The following PPM1J variants were observed in gnomAD, a reference collection of about 807,000 sequenced individuals.
The protein encoded by PPM1J is protein phosphatase 1J.
PPM1J carries 43 observed loss-of-function variants against 53.3 expected under a neutral mutation model. The ratio of observed to expected loss-of-function variants is 0.81; its 90% CI spans 0.63 to 1.04. PPM1J has a LOEUF of 1.04. Among genes scored for constraint, PPM1J ranks in the 50% least tolerant of loss-of-function variants. The pLI, the probability that PPM1J is intolerant of heterozygous loss-of-function variation, is 0.00. For missense variants in PPM1J, 635 were observed against 685.9 expected (o/e 0.93, Z 0.83); for synonymous variants, 267 against 286.4 (o/e 0.93, Z 0.68).
rs1473192000 is a variant in PPM1J, at chr1:112,715,111, C to G, written c.191G>C (p.Arg64Pro). Residue 64 changes from arginine to proline, a missense_variant, in exon 1 of 10, where the codon CGA (arginine) becomes CCA (proline). Transcript: ENST00000309276. The surrounding 1 kb of genome is among the most constrained non-coding windows in gnomAD (Gnocchi z 4.4). ...AAAGGTCGGTCTGGAGAAGCTCGCT[C>G]GAGCCTCAACAGCCTTCGCGGGCGT... ...SATPAKAVEARASFSRPTFLQ... is the reference protein window; with the variant it reads ...SATPAKAVEAPASFSRPTFLQ... 20 of 1,557,918 alleles carry G rather than the reference C, an allele frequency of 1.3e-5. No homozygotes were observed. Among genetic ancestry groups the G allele is most frequent in the Non-Finnish European group, 1.7e-5 (20 of 1,162,130 alleles).
chr1:112,711,436 C>G, intron 5 of PPM1J, 52 bp from the exon 6 acceptor site: 1 of 1,018,590 alleles, frequency 9.8e-7, no homozygotes, highest in Non-Finnish European at 1.5e-6. Flanking sequence ...ATGCTCACAG[C>G]ACACGGTGGC....
chr1:112,711,396 G>T lies in PPM1J; in HGVS notation c.928-12C>A, dbSNP rs1445687298. 1.9e-6 allele frequency: 3 copies of T among 1,555,744 alleles called. No homozygotes were observed. The highest frequency in any genetic ancestry group is 1.8e-5 in the Admixed American group (1 of 56,066). ...GGTTTCAGGAAGCCCTGGAGTTGGG[G>T]ATGATCAGAACAGAGAGCCAGGGGG... On this transcript the variant is annotated splice_polypyrimidine_tract_variant and intron_variant, in intron 5 of 9. Coordinates refer to ENST00000309276, the MANE Select transcript of PPM1J (RefSeq NM_005167.7).
rs2101477934 is a variant in PPM1J at position 112,710,186 on chromosome 1, C to A, written c.1495G>T (p.Gly499Ter). ...DDISVFVIPL[G>*]GPGSYS ...CCTCAGGAGTAACTGCCTGGCCCTC[C>A]CAGGGGGATGACGAAGACAGAGATG... The change falls in exon 10 of 10, where the codon GGA (glycine) becomes TGA (stop). Residue 499 changes from glycine (G) to a stop codon, truncating the protein, a stop_gained. Coordinates refer to ENST00000309276, the MANE Select transcript of PPM1J (RefSeq NM_005167.7). LOFTEE classifies it high-confidence loss of function. 2 of 1,574,024 alleles carry A rather than the reference C, an allele frequency of 1.3e-6. No individual in the cohort carries two copies. Among genetic ancestry groups the A allele is most frequent in the Non-Finnish European group, 1.7e-6 (2 of 1,164,646 alleles).
Position 112,711,263 on chromosome 1 carries a change from TACCAGCCGGTC to T in PPM1J, c.1038_1046+2del, listed in dbSNP as rs540188332. 555 of 1,605,464 alleles carry T rather than the reference TACCAGCCGGTC, an allele frequency of 3.5e-4. No homozygotes were observed. The highest frequency in any genetic ancestry group is 4.6e-4 in the Non-Finnish European group (535 of 1,173,602). The stretch of plus-strand genomic sequence containing the variant: ...CGGGCCCCAGCTCTGAGGGAAGTGT[TACCAGCCGGTC>T]ATGTTCTGGTCCCGGTACAACATCC... On this transcript the variant is annotated splice_donor_variant and coding_sequence_variant, in exon 6 of 10. Transcript: ENST00000309276. LOFTEE classifies it high-confidence loss of function.
intron 3 of PPM1J, 66 bp from the exon 4 acceptor site, chr1:112,712,523 CT>C: frequency 7.2e-7 from 1 of 1,394,924 alleles, no homozygotes; most frequent in Admixed American, 1.9e-5. Flanking sequence ...CACCCTCCCC[CT>C]ACCCCCTCCA....
In PPM1J at chr1:112,714,698, G is replaced by C. The variant is rs1006703439; in HGVS notation, c.326+278C>G. 4.9e-6 allele frequency: 6 copies of C among 1,220,594 alleles called. No individual in the cohort carries two copies. In the Admixed American group the frequency reaches 1.7e-4, roughly 35 times the overall value. 75.6% of individuals were successfully genotyped at this position (1,220,594 alleles called of 1,614,324 possible). The stretch of plus-strand genomic sequence containing the variant: ...CAACTCATCCTTCGCCGGGCTCTCC[G>C]CCCTCCGGGCTCTGGGGCAGAACAG... On this transcript the variant is annotated intron_variant, in intron 1 of 9. Transcript: ENST00000309276.
At position 112,715,272 on chromosome 1, in the gene PPM1J, C is replaced by T. The variant is rs1306717553; in HGVS notation, c.30G>A (p.Ala10=). 3 of 1,326,428 alleles carry T rather than the reference C, an allele frequency of 2.3e-6. No individual in the cohort carries two copies. Among genetic ancestry groups the T allele is most frequent in the Non-Finnish European group, 1.9e-6 (2 of 1,042,928 alleles). The allele number at this position is 1,326,428 out of a possible 1,614,324, so 82.2% of individuals were successfully genotyped here. A position where few individuals can be genotyped will look rare whatever the true frequency, so the allele number is the denominator to read the frequency against. MLNRVRSAV[A]HLVSSGGAPP... Reference sequence around the variant, plus strand: ...GAGCGCCCCCGGAGCTCACCAGGTGCGCCACGGCCGAGCGCACCCGGTTTA... The same window carrying T: ...GAGCGCCCCCGGAGCTCACCAGGTGTGCCACGGCCGAGCGCACCCGGTTTA... Residue 10 remains alanine (A), a synonymous_variant, in exon 1 of 10, where the codon GCG becomes GCA. Coordinates refer to ENST00000309276, the MANE Select transcript of PPM1J (RefSeq NM_005167.7). The surrounding 1 kb of genome is among the most constrained non-coding windows in gnomAD (Gnocchi z 4.4).
Position 112,711,851 on chromosome 1 carries a change from C to T in PPM1J, c.927+120G>A, listed in dbSNP as rs1570841510. The T allele has an allele frequency of 2.6e-5, 18 of 699,484 alleles. No homozygotes were observed. In the East Asian group the frequency reaches 4.9e-4, roughly 19 times the overall value. 43.3% of individuals were successfully genotyped at this position (699,484 alleles called of 1,614,324 possible). On this transcript the variant is annotated intron_variant, in intron 5 of 9. Coordinates refer to ENST00000309276, the MANE Select transcript of PPM1J (RefSeq NM_005167.7). ...CGCACTCCATAGTCCACACAGCGGC[C>T]TTCCCAGTAAAGTGCTTTCTGTGCC...
At chr1:112,713,996 C>T in intron 1 of PPM1J, 1 of 1,092,614 alleles carries the variant, frequency 9.2e-7, no homozygotes, top group Non-Finnish European at 1.1e-6. Flanking sequence ...ATCCCACCCT[C>T]AACCACTATC....
chr1:112,714,921 C>A (rs1308041927), intron 1 of PPM1J, 55 bp downstream of exon 1: 3 of 1,336,086 alleles, frequency 2.2e-6, no homozygotes, highest in Non-Finnish European at 2.9e-6. Flanking sequence ...GGATGCGGAG[C>A]TGGGGAGAGG....
intron 3 of PPM1J, 54 bp from the exon 4 acceptor site, chr1:112,712,511 G>T: frequency 6.7e-7 from 1 of 1,484,492 alleles, no homozygotes; most frequent in Non-Finnish European, 9.3e-7. Flanking sequence ...CCAGCACACA[G>T]TCACCCTCCC....
At chr1:112,714,600 A>G in intron 1 of PPM1J, 1 of 1,050,276 alleles carries the variant, frequency 9.5e-7, no homozygotes, top group Non-Finnish European at 1.1e-6. Context: ...CCCCTATTAA[A>G]AAGAACCCCG....
Position 112,712,449 on chromosome 1 carries a change from C to G in PPM1J, c.738G>C (p.Gln246His). The G allele has an allele frequency of 6.2e-7, 1 of 1,613,714 alleles. No homozygotes were observed. Among genetic ancestry groups the G allele is most frequent in the Non-Finnish European group, 8.5e-7 (1 of 1,179,790 alleles). The stretch of plus-strand genomic sequence containing the variant: ...GGTGGCCACGCCGCTCCCGGGCCAT[C>G]TGCTCATCCTGCCACATAAGGAAGG... ...VENAFQLMDEQMARERRGHQV... is the reference protein window; with the variant it reads ...VENAFQLMDEHMARERRGHQV... The change falls in exon 4 of 10, where the codon CAG (glutamine) becomes CAC (histidine). Residue 246 changes from glutamine to histidine, a missense_variant. By Grantham distance (24) the Gln-to-His change is conservative. Coordinates refer to ENST00000309276, the MANE Select transcript of PPM1J (RefSeq NM_005167.7).
At chr1:112,713,064 TTGTGTGTGTGTGTG>T (rs36095892) in intron 2 of PPM1J, 33 bp from the exon 3 acceptor site, 208 of 1,032,502 alleles carry the variant, frequency 2.0e-4, no homozygotes, top group Non-Finnish European at 2.5e-4. Context: ...TGAGTTTTGT[TTGTGTGTGTGTGTG>T]TGTGTGTGTG....
chr1:112,713,667 C>A (rs1347371297), intron 1 of PPM1J, 56 bp from the exon 2 acceptor site: 2 of 1,369,632 alleles, frequency 1.5e-6, no homozygotes, highest in South Asian at 1.2e-5. Context: ...CCTGGAATAA[C>A]CCCCACCTTA....
In PPM1J at chr1:112,712,430, C is replaced by T; in HGVS notation, c.757G>A (p.Gly253Ser). The T allele has an allele frequency of 6.2e-7, 1 of 1,613,926 alleles. No homozygotes were observed. The highest frequency in any genetic ancestry group is 8.5e-7 in the Non-Finnish European group (1 of 1,179,954). The change falls in exon 4 of 10, where the codon GGC becomes AGC. Residue 253 changes from glycine to serine, a missense_variant. Gly to Ser is a moderately conservative substitution (Grantham distance 56). Transcript: ENST00000309276. ...CAGCAGCCCCCCTCCACTTGGTGGC[C>T]ACGCCGCTCCCGGGCCATCTGCTCA... The part of the protein sequence containing the change: ...MDEQMARERR[G>S]HQVEGGCCAL...
intron 5 of PPM1J, 59 bp from the exon 6 acceptor site, chr1:112,711,443 T>C: frequency 9.9e-7 from 1 of 1,007,124 alleles, no homozygotes. Context: ...CAGCACACGG[T>C]GGCACACAGA....
At position 112,714,969 on chromosome 1, in the gene PPM1J, C is replaced by A. The variant is rs918432887; in HGVS notation, c.326+7G>T. 2.9e-6 allele frequency: 4 copies of A among 1,389,030 alleles called. No individual in the cohort carries two copies. Among genetic ancestry groups the A allele is most frequent in the Non-Finnish European group, 2.8e-6 (3 of 1,074,712 alleles). The allele number at this position is 1,389,030 out of a possible 1,614,324, so 86.0% of individuals were successfully genotyped here. On this transcript the variant is annotated splice_region_variant and intron_variant, in intron 1 of 9. Transcript: ENST00000309276. The stretch of plus-strand genomic sequence containing the variant: ...ATCCTGGTTTGGGTGCCCCAGGGGG[C>A]GCTCACTCGGCGTAGCCTGTGCTCC...
rs576242699 is a variant in PPM1J, at chr1:112,710,597, G to A, written c.1233C>T (p.Asp411=). The change falls in exon 9 of 10, where the codon GAC becomes GAT. Residue 411 remains aspartate, a synonymous_variant. Transcript: ENST00000309276. ...CTGGGCAGTGCTCATATTGTGTCAGGTCATACACTCGTACCTGGTGGGAGA... is the reference window on the plus strand; with the variant it reads ...CTGGGCAGTGCTCATATTGTGTCAGATCATACACTCGTACCTGGTGGGAGA... The part of the protein sequence containing the change: ...LSCFPEVRVY[D]LTQYEHCPDD... 20 of 1,614,162 alleles carry A rather than the reference G, an allele frequency of 1.2e-5. No individual in the cohort carries two copies. In the South Asian group the frequency reaches 2.2e-4, roughly 18 times the overall value.
Sources: gnomAD v4.1 joint callset for allele counts on GRCh38, gnomAD v4.1.1 for gene constraint, Gnocchi (gnomAD v3.1) non-coding constraint, MANE v1.5 for transcripts, NCBI Gene and HGNC (gene_info 2026-07-23, HGNC 2026-07-21) for gene names.